Variants in DMRT2 observed in about 807,000 individuals in gnomAD.
DMRT2 encodes doublesex and mab-3 related transcription factor 2, also known as doublesex- and mab-3-related transcription factor 2.
A neutral mutation model predicts 43.5 loss-of-function variants in DMRT2; 33 were observed. The observed-to-expected ratio is 0.76, with a 90% CI of 0.58 to 1.01. The LOEUF (loss-of-function observed/expected upper bound fraction) is 1.01, where lower values mean the gene tolerates loss of function less well. DMRT2 is among the 50% of genes least tolerant of loss of function. The pLI is 0.00. For missense variants in DMRT2, 1,064 were observed against 748.0 expected, an observed-to-expected ratio of 1.42 and a Z score of -4.93; for synonymous variants, 395 against 309.2, an observed-to-expected ratio of 1.28 and a Z score of -2.91.
Position 1,056,988 on chromosome 9 carries a change from A to G in DMRT2, c.1401A>G (p.Arg467=), listed in dbSNP as rs761228142. Residue 467 remains arginine, a synonymous_variant, in exon 4 of 4, where the codon AGA becomes AGG. Coordinates refer to ENST00000358146, the MANE Select transcript of DMRT2 (RefSeq NM_181872.6). ...KENTRHPLPL[R]HNPFHSLFQQ... ...ACACCAGGCACCCTCTGCCACTTAG[A>G]CATAATCCATTCCACTCATTATTCC... 1.9e-6 allele frequency: 3 copies of G among 1,614,168 alleles called. No homozygotes were observed. Among genetic ancestry groups the G allele is most frequent in the East Asian group, 2.2e-5 (1 of 44,888 alleles).
rs1384454829 is a variant in DMRT2, at chr9:1,056,848, C to T, written c.1261C>T (p.Gln421Ter). The stretch of plus-strand genomic sequence containing the variant: ...CACGAGAAGTGACCTTCAGGGTCAT[C>T]AGGCTGTCCCAGAGAGGTCCGCGTT... ...QTTRSDLQGH[Q>*]AVPERSAFSP... The change falls in exon 4 of 4, where the codon CAG becomes TAG. Residue 421 changes from glutamine (Q) to a stop codon, truncating the protein, a stop_gained. Transcript: ENST00000358146. LOFTEE classifies it high-confidence loss of function. The T allele has an allele frequency of 6.2e-7, 1 of 1,614,154 alleles. No individual in the cohort carries two copies. The highest frequency in any genetic ancestry group is 1.3e-5 in the African/African-American group (1 of 75,036).
In DMRT2 at chr9:1,050,602, T is replaced by TC. The variant is rs1454463044; in HGVS notation, c.-213dup. 3.3e-5 allele frequency: 5 copies of TC among 152,474 alleles called. No homozygotes were observed. In the East Asian group the frequency reaches 9.7e-4, roughly 30 times the overall value. The allele number at this position is 152,474 out of a possible 1,614,324, so 9.4% of individuals were successfully genotyped here. On this transcript the variant is annotated 5_prime_UTR_variant, in exon 1 of 4. Coordinates refer to ENST00000358146, the MANE Select transcript of DMRT2 (RefSeq NM_181872.6). ...TCCTTCCCTCCACCTACCTTCTCCC[T>TC]CCCCCTCCACCATCCAGTGGGTTCG...
At chr9:1,053,045 C>T (rs1821713731) in intron 2 of DMRT2, 1 of 152,358 alleles carries the variant, frequency 6.6e-6, no homozygotes, top group Admixed American at 6.5e-5. Context: ...TTGGTCTCCT[C>T]CCGCGTCCCG....
In DMRT2 at chr9:1,056,994, T is replaced by A; in HGVS notation, c.1407T>A (p.Asn469Lys). 6.2e-7 allele frequency: 1 copy of A among 1,614,130 alleles called. No homozygotes were observed. Among genetic ancestry groups the A allele is most frequent in the Non-Finnish European group, 8.5e-7 (1 of 1,180,018 alleles). The change falls in exon 4 of 4, where the codon AAT (asparagine) becomes AAA (lysine). Residue 469 changes from asparagine (N) to lysine (K), a missense_variant. Asn to Lys is a moderately conservative substitution (Grantham distance 94). Transcript: ENST00000358146. ...NTRHPLPLRH[N>K]PFHSLFQQTL... is the part of the protein sequence containing the mutation. Reference sequence around the variant, plus strand: ...GGCACCCTCTGCCACTTAGACATAATCCATTCCACTCATTATTCCAGCAAA... The same window carrying A: ...GGCACCCTCTGCCACTTAGACATAAACCATTCCACTCATTATTCCAGCAAA...
At chr9:1,056,020 G>C in intron 3 of DMRT2, 196 bp from the exon 4 acceptor site, 2 of 1,419,970 alleles carry the variant, frequency 1.4e-6, no homozygotes, top group Non-Finnish European at 1.8e-6. Context: ...AGAAGTTGCA[G>C]TATGGATATC....
In DMRT2 at chr9:1,056,450, G is replaced by A. The variant is rs368560020; in HGVS notation, c.863G>A (p.Ser288Asn). 1.5e-5 allele frequency: 25 copies of A among 1,614,056 alleles called. No homozygotes were observed. The highest frequency in any genetic ancestry group is 2.2e-5 in the East Asian group (1 of 44,894). ...TACAATTCCTACAAAAGTGCCTACAGCCCCAGCCCAGTGGAACCACCAAGC... is the reference window on the plus strand; with the variant it reads ...TACAATTCCTACAAAAGTGCCTACAACCCCAGCCCAGTGGAACCACCAAGC... The part of the protein sequence containing the change: ...PDYNSYKSAY[S>N]PSPVEPPSKD... The change falls in exon 4 of 4, where the codon AGC (serine) becomes AAC (asparagine). Residue 288 changes from serine (S) to asparagine (N), a missense_variant. Physicochemically the swap from Ser to Asn is conservative, Grantham distance 46 (BLOSUM62 1). Coordinates refer to ENST00000358146, the MANE Select transcript of DMRT2 (RefSeq NM_181872.6).
rs1008755579 is a variant in DMRT2 at position 1,052,001 on chromosome 9, G to A, written c.388G>A (p.Gly130Ser). ...CAAGTGCGCGCGCTGCCGCAACCAC[G>A]GCGTGGTGTCCTGCCTGAAGGGCCA... ...TPKCARCRNHGVVSCLKGHKR... is the reference protein window; with the variant it reads ...TPKCARCRNHSVVSCLKGHKR... The change falls in exon 2 of 4, where the codon GGC (glycine) becomes AGC (serine). Residue 130 changes from glycine (G) to serine (S), a missense_variant. By Grantham distance (56) the Gly-to-Ser change is moderately conservative. Coordinates refer to ENST00000358146, the MANE Select transcript of DMRT2 (RefSeq NM_181872.6). 8.2e-6 allele frequency: 12 copies of A among 1,457,216 alleles called. No individual in the cohort carries two copies. In the Admixed American group the frequency reaches 1.3e-4, roughly 16 times the overall value. 90.3% of individuals were successfully genotyped at this position (1,457,216 alleles called of 1,614,324 possible). A position where few individuals can be genotyped will look rare whatever the true frequency, so the allele number is the denominator to read the frequency against.
rs1237315480 is a variant in DMRT2, at chr9:1,051,671, C to T, written c.58C>T (p.Leu20=). The T allele has an allele frequency of 6.4e-7, 1 of 1,570,796 alleles. No homozygotes were observed. The change falls in exon 2 of 4, where the codon CTG becomes TTG. Residue 20 remains leucine (L), a synonymous_variant. Coordinates refer to ENST00000358146, the MANE Select transcript of DMRT2 (RefSeq NM_181872.6). This position sits in a 1 kb window ranked among gnomAD's most constrained non-coding sequence, Gnocchi z 5.9. ...AGDWEIDVES[L]ELEEDVCGAP... ...GGACTGGGAGATCGATGTCGAGAGC[C>T]TGGAGCTGGAAGAGGACGTCTGCGG...
At position 1,051,939 on chromosome 9, in the gene DMRT2, G is replaced by A; in HGVS notation, c.326G>A (p.Gly109Asp). The A allele has an allele frequency of 7.3e-7, 1 of 1,364,592 alleles. No individual in the cohort carries two copies. The highest frequency in any genetic ancestry group is 9.4e-7 in the Non-Finnish European group (1 of 1,067,790). 84.5% of individuals were successfully genotyped at this position (1,364,592 alleles called of 1,614,324 possible). A position where few individuals can be genotyped will look rare whatever the true frequency, so the allele number is the denominator to read the frequency against. Residue 109 changes from glycine to aspartate, a missense_variant, in exon 2 of 4, where the codon GGC (glycine) becomes GAC (aspartate). By Grantham distance (94) the Gly-to-Asp change is moderately conservative. Coordinates refer to ENST00000358146, the MANE Select transcript of DMRT2 (RefSeq NM_181872.6). The surrounding 1 kb of genome is among the most constrained non-coding windows in gnomAD (Gnocchi z 5.9). ...TGPRERCTPA[G>D]GGAEPRKLSR... Reference sequence around the variant, plus strand: ...CCCCGAGAGCGCTGCACTCCCGCGGGCGGCGGCGCGGAGCCGCGCAAGCTG... The same window carrying A: ...CCCCGAGAGCGCTGCACTCCCGCGGACGGCGGCGCGGAGCCGCGCAAGCTG...
chr9:1,056,819 A>G lies in DMRT2; in HGVS notation c.1232A>G (p.Gln411Arg). The change falls in exon 4 of 4, where the codon CAG (glutamine) becomes CGG (arginine). Residue 411 changes from glutamine (Q) to arginine (R), a missense_variant. By Grantham distance (43) the Gln-to-Arg change is conservative (BLOSUM62 1). Coordinates refer to ENST00000358146, the MANE Select transcript of DMRT2 (RefSeq NM_181872.6). ...GTGCTGCCTCACACTCCTGAGATCC[A>G]GACCACGAGAAGTGACCTTCAGGGT... ...SLVLPHTPEI[Q>R]TTRSDLQGHQ... 6.2e-7 allele frequency: 1 copy of G among 1,614,170 alleles called. No homozygotes were observed. Among genetic ancestry groups the G allele is most frequent in the Non-Finnish European group, 8.5e-7 (1 of 1,180,040 alleles).
At position 1,055,655 on chromosome 9, in the gene DMRT2, T is replaced by G. The variant is rs567898162; in HGVS notation, c.629-561T>G. On this transcript the variant is annotated intron_variant, in intron 3 of 3. Coordinates refer to ENST00000358146, the MANE Select transcript of DMRT2 (RefSeq NM_181872.6). ...AATTTTCTATGCTTCTCTATTTTCT[T>G]AAGCCTTTTTTTTCTTTTTCTACTC... The G allele has an allele frequency of 7.9e-6, 11 of 1,391,590 alleles. No homozygotes were observed. In the African/African-American group the frequency reaches 1.7e-4, roughly 21 times the overall value. 86.2% of individuals were successfully genotyped at this position (1,391,590 alleles called of 1,614,324 possible).
At chr9:1,053,861 G>C (rs747552324) in intron 3 of DMRT2, 37 bp downstream of exon 3, 2 of 1,531,680 alleles carry the variant, frequency 1.3e-6, no homozygotes, top group Non-Finnish European at 1.8e-6. Context: ...CTTTTAAACA[G>C]AGTTGAGTGA....
rs137867694 is a variant in DMRT2, at chr9:1,057,185, C to A, written c.1598C>A (p.Thr533Lys). 3.6e-5 allele frequency: 58 copies of A among 1,614,040 alleles called. No individual in the cohort carries two copies. The Admixed American group carries it at 8.5e-4, about 24-fold the overall frequency. The change falls in exon 4 of 4, where the codon ACA (threonine) becomes AAA (lysine). Residue 533 changes from threonine to lysine, a missense_variant. Thr to Lys is a moderately conservative substitution (Grantham distance 78). Coordinates refer to ENST00000358146, the MANE Select transcript of DMRT2 (RefSeq NM_181872.6). The part of the protein sequence containing the change: ...KDLFVAKQVG[T>K]KLSVNEPLSF... ...CTTTTTGTAGCCAAACAAGTTGGAA[C>A]AAAACTCTCGGTGAATGAACCACTG...
In DMRT2 at chr9:1,050,780, G is replaced by A. The variant is rs1396733054; in HGVS notation, c.-45+5G>A. On this transcript the variant is annotated splice_donor_5th_base_variant and intron_variant, in intron 1 of 3. Transcript: ENST00000358146. ...AGCCCGGGCCTCAAAGTTTTGGTGA[G>A]TGCTGTGATGCCGCTCGGGGTGTCA... The A allele has an allele frequency of 6.6e-6, 1 of 152,370 alleles. No individual in the cohort carries two copies. The highest frequency in any genetic ancestry group is 1.9e-4 in the East Asian group (1 of 5,204). 9.4% of individuals were successfully genotyped at this position (152,370 alleles called of 1,614,324 possible). A position where few individuals can be genotyped will look rare whatever the true frequency, so the allele number is the denominator to read the frequency against.
rs1822084594 is a variant in DMRT2 at position 1,057,434 on chromosome 9, T to G, written c.*161T>G. Reference sequence around the variant, plus strand: ...ATTCCTAATATGCATGTACTTTTTCTTATCACATATATTTAAACTTACAGA... The same window carrying G: ...ATTCCTAATATGCATGTACTTTTTCGTATCACATATATTTAAACTTACAGA... On this transcript the variant is annotated 3_prime_UTR_variant, in exon 4 of 4. Coordinates refer to ENST00000358146, the MANE Select transcript of DMRT2 (RefSeq NM_181872.6). The G allele has an allele frequency of 1.8e-5, 13 of 734,050 alleles. No individual in the cohort carries two copies. In the South Asian group the frequency reaches 2.7e-4, roughly 15 times the overall value. The allele number at this position is 734,050 out of a possible 1,614,324, so 45.5% of individuals were successfully genotyped here. A position where few individuals can be genotyped will look rare whatever the true frequency, so the allele number is the denominator to read the frequency against.
Position 1,057,468 on chromosome 9 carries a change from G to A in DMRT2, c.*195G>A, listed in dbSNP as rs1352195338. 1 of 605,148 alleles carries A rather than the reference G, an allele frequency of 1.7e-6. No individual in the cohort carries two copies. Among genetic ancestry groups the A allele is most frequent in the South Asian group, 2.7e-5 (1 of 37,578 alleles). 37.5% of individuals were successfully genotyped at this position (605,148 alleles called of 1,614,324 possible). On this transcript the variant is annotated 3_prime_UTR_variant, in exon 4 of 4. Coordinates refer to ENST00000358146, the MANE Select transcript of DMRT2 (RefSeq NM_181872.6). ...ATATTTAAACTTACAGATGGAAATTGCCCAATGTGCAAATTGTTAAGTACC... is the reference window on the plus strand; with the variant it reads ...ATATTTAAACTTACAGATGGAAATTACCCAATGTGCAAATTGTTAAGTACC...
rs113111105 is a variant in DMRT2 at position 1,056,877 on chromosome 9, C to T, written c.1290C>T (p.Ser430=). The T allele has an allele frequency of 1.4e-5, 23 of 1,614,158 alleles. 1 individual carries two copies. Among genetic ancestry groups the T allele is most frequent in the East Asian group, 8.9e-5 (4 of 44,880 alleles). Residue 430 remains serine, a synonymous_variant, in exon 4 of 4, where the codon TCC becomes TCT. Coordinates refer to ENST00000358146, the MANE Select transcript of DMRT2 (RefSeq NM_181872.6). The part of the protein sequence containing the change: ...HQAVPERSAF[S]PPRRNFSPIV... ...CTGTCCCAGAGAGGTCCGCGTTCTC[C>T]CCACCCCGACGGAATTTCTCTCCCA...
intron 2 of DMRT2, chr9:1,053,067 G>A (rs1447033016): frequency 6.6e-6 from 1 of 152,378 alleles, no homozygotes; most frequent in Non-Finnish European, 1.5e-5. Flanking sequence ...ATGGGTCATC[G>A]CCTGCCCTGC....
chr9:1,055,952 C>G, intron 3 of DMRT2: 1 of 1,393,974 alleles, frequency 7.2e-7, no homozygotes, highest in Non-Finnish European at 9.2e-7. Context: ...TTGAAGCAAG[C>G]AAGCAAACAA....
Sources: gnomAD v4.1 joint callset for allele counts on GRCh38, gnomAD v4.1.1 for gene constraint, Gnocchi (gnomAD v3.1) non-coding constraint, MANE v1.5 for transcripts, NCBI Gene and HGNC (gene_info 2026-07-23, HGNC 2026-07-21) for gene names.